Variants in HEPHL1 observed in about 807,000 individuals in gnomAD.
HEPHL1 encodes hephaestin like 1, also known as ferroxidase HEPHL1.
Under a neutral mutation model 122.0 loss-of-function variants are expected in HEPHL1, and 123 were observed. The ratio of observed to expected loss-of-function variants is 1.01; its 90% CI spans 0.87 to 1.17. HEPHL1 has a LOEUF of 1.17. Ranked by LOEUF, HEPHL1 falls within the 50% of genes most tolerant of loss-of-function variation. The pLI, the probability that HEPHL1 is intolerant of heterozygous loss-of-function variation, is 0.00. For synonymous variants in HEPHL1, 527 were observed against 508.9 expected, an observed-to-expected ratio of 1.04 and a Z score of -0.48; for missense variants, 1,452 against 1,430.5, an observed-to-expected ratio of 1.01 and a Z score of -0.24.
chr11:94,075,275 C>T lies in HEPHL1; in HGVS notation c.1606C>T (p.Leu536=), dbSNP rs1946111462. The T allele has an allele frequency of 1.2e-6, 2 of 1,613,536 alleles. No homozygotes were observed. Among genetic ancestry groups the T allele is most frequent in the African/African-American group, 2.7e-5 (2 of 75,022 alleles). Residue 536 remains leucine, a synonymous_variant, in exon 9 of 20, where the codon CTG becomes TTG. Coordinates refer to ENST00000315765, the MANE Select transcript of HEPHL1 (RefSeq NM_001098672.2). ...VSPTAGDPPC[L]TYLYFSAVDP... ...CCCAACTGCTGGTGATCCTCCCTGT[C>T]TGACCTATCTTTACTTCTCAGCAGT...
intron 1 of HEPHL1, among the ~76,000 whole-genome samples, chr11:94,029,511 G>A (rs565976683): frequency 6.6e-6 from 1 of 152,292 alleles, no homozygotes; most frequent in East Asian, 1.9e-4. Context: ...GGAATCATTT[G>A]GTGATCTTAG....
intron 17 of HEPHL1, among the ~76,000 whole-genome samples, chr11:94,107,273 GATTA>G (rs1048640088): frequency 5.3e-5 from 8 of 152,160 alleles, no homozygotes; most frequent in Non-Finnish European, 8.8e-5. Flanking sequence ...AGCCTGCTAT[GATTA>G]GAGTTTCACA....
At position 94,075,223 on chromosome 11, in the gene HEPHL1, C is replaced by G. The variant is rs774165928; in HGVS notation, c.1554C>G (p.Tyr518Ter). 6.2e-7 allele frequency: 1 copy of G among 1,613,412 alleles called. No individual in the cohort carries two copies. The highest frequency in any genetic ancestry group is 2.2e-5 in the East Asian group (1 of 44,864). Residue 518 changes from tyrosine to a stop codon, truncating the protein, a stop_gained, in exon 9 of 20, where the codon TAC becomes TAG. Transcript: ENST00000315765. LOFTEE classifies it high-confidence loss of function. ...TTAAACCAGGTGAAACCTTCACATA[C>G]AAGTGGACAGTGCCTGAGAGCGTAA... ...AHVKPGETFT[Y>*]KWTVPESVSP...
intron 1 of HEPHL1, among the ~76,000 whole-genome samples, chr11:94,025,836 A>T (rs901441622): frequency 1.3e-5 from 2 of 152,226 alleles, no homozygotes; most frequent in Non-Finnish European, 2.9e-5. Context: ...AACAAATGGT[A>T]ACTTTCAAAT....
intron 1 of HEPHL1, among the ~76,000 whole-genome samples, chr11:94,030,688 G>A (rs1385618475): frequency 2.6e-5 from 4 of 152,318 alleles, no homozygotes; most frequent in South Asian, 2.1e-4. Context: ...ATTCCAAGTT[G>A]CAAGCAAGTC....
intron 2 of HEPHL1, among the ~76,000 whole-genome samples, chr11:94,057,527 T>C (rs1945948495): frequency 6.6e-6 from 1 of 152,174 alleles, no homozygotes; most frequent in African/African-American, 2.4e-5. Flanking sequence ...TACTTTCTTT[T>C]GCTTTCTTGA....
At chr11:94,111,665 G>T (rs369628859) in intron 19 of HEPHL1, 27 bp from the exon 20 acceptor site, 22 of 1,608,822 alleles carry the variant, frequency 1.4e-5, no homozygotes, top group East Asian at 1.3e-4. Context: ...AAATGTCAGG[G>T]GCCTGACAAG....
chr11:94,108,279 A>G (rs1024588681), intron 17 of HEPHL1, among the ~76,000 whole-genome samples: 4 of 152,076 alleles, frequency 2.6e-5, no homozygotes, highest in Non-Finnish European at 5.9e-5. Flanking sequence ...GTAGAGTTTG[A>G]GGGCTTTATA....
At chr11:94,067,101 G>A (rs970629609) in intron 4 of HEPHL1, among the ~76,000 whole-genome samples, 5 of 152,222 alleles carry the variant, frequency 3.3e-5, no homozygotes, top group Non-Finnish European at 7.4e-5. Flanking sequence ...AACAAGACAG[G>A]GTTTCTAGTT....
At chr11:94,037,121 A>C (rs1945732683) in intron 1 of HEPHL1, among the ~76,000 whole-genome samples, 1 of 152,154 alleles carries the variant, frequency 6.6e-6, no homozygotes, top group South Asian at 2.1e-4. Flanking sequence ...CGCACCTGGA[A>C]AATCGGGTCA....
At chr11:94,108,211 G>A (rs761464102) in intron 17 of HEPHL1, among the ~76,000 whole-genome samples, 10 of 151,934 alleles carry the variant, frequency 6.6e-5, no homozygotes, top group Non-Finnish European at 1.3e-4. Context: ...GTAAATCTTT[G>A]GTGAAGTGTC....
intron 10 of HEPHL1, 114 bp downstream of exon 10, chr11:94,082,682 C>T (rs1946181464): frequency 2.1e-6 from 2 of 946,912 alleles, no homozygotes; most frequent in African/African-American, 1.7e-5. Context: ...TGTTCTTGGT[C>T]ATGAGTAAGT....
At chr11:94,056,697 CTATCTATCTATA>C (rs1945940301) in intron 2 of HEPHL1, among the ~76,000 whole-genome samples, 3 of 151,852 alleles carry the variant, frequency 2.0e-5, no homozygotes, top group African/African-American at 7.3e-5. Flanking sequence ...ATCTATCTAT[CTATCTATCTATA>C]ATGCCCTTCT....
intron 4 of HEPHL1, 25 bp downstream of exon 4, chr11:94,064,535 C>T (rs769203015): frequency 2.0e-5 from 31 of 1,543,238 alleles, no homozygotes; most frequent in South Asian, 1.0e-4. Flanking sequence ...TGTTCCCAAA[C>T]GTATACCAGG....
chr11:94,078,475 A>ATATATATATATATATATG (rs1252242788), intron 9 of HEPHL1, among the ~76,000 whole-genome samples: 1 of 147,440 alleles, frequency 6.8e-6, no homozygotes, highest in African/African-American at 2.5e-5. Flanking sequence ...ATATATATAT[A>ATATATATATATATATATG]TGGAGAAAGA....
At chr11:94,108,967 T>C (rs1192315712) in intron 17 of HEPHL1, among the ~76,000 whole-genome samples, 5 of 152,132 alleles carry the variant, frequency 3.3e-5, no homozygotes, top group African/African-American at 1.2e-4. Context: ...AGAACTGACA[T>C]AACAATATTG....
Position 94,101,321 on chromosome 11 carries a change from C to T in HEPHL1, c.2561C>T (p.Pro854Leu). 6.2e-7 allele frequency: 1 copy of T among 1,612,618 alleles called. No homozygotes were observed. The highest frequency in any genetic ancestry group is 8.5e-7 in the Non-Finnish European group (1 of 1,179,106). Residue 854 changes from proline to leucine, a missense_variant, in exon 14 of 20, where the codon CCC (proline) becomes CTC (leucine). Transcript: ENST00000315765. ...EMDSGKQFQV[P>L]MTKPGEVKTY... is the part of the protein sequence containing the mutation. ...GATAGTGGAAAGCAATTCCAAGTGCCCATGACAAAACCAGGTAAGTTGTGT... is the reference window on the plus strand; with the variant it reads ...GATAGTGGAAAGCAATTCCAAGTGCTCATGACAAAACCAGGTAAGTTGTGT...
chr11:94,106,111 C>A lies in HEPHL1; in HGVS notation c.3026C>A (p.Ala1009Asp). The change falls in exon 17 of 20, where the codon GCT (alanine) becomes GAT (aspartate). Residue 1009 changes from alanine (A) to aspartate (D), a missense_variant. Coordinates refer to ENST00000315765, the MANE Select transcript of HEPHL1 (RefSeq NM_001098672.2). ...GACATACATACCATCCATTATCATGCTGAGAGCTTTCTTTTCAAAGTAAGT... is the reference window on the plus strand; with the variant it reads ...GACATACATACCATCCATTATCATGATGAGAGCTTTCTTTTCAAAGTAAGT... ...EVDIHTIHYH[A>D]ESFLFKIDKS... 6.4e-7 allele frequency: 1 copy of A among 1,564,292 alleles called. No individual in the cohort carries two copies. Among genetic ancestry groups the A allele is most frequent in the South Asian group, 1.2e-5 (1 of 82,476 alleles).
intron 1 of HEPHL1, among the ~76,000 whole-genome samples, chr11:94,023,898 A>G (rs748458581): frequency 6.6e-6 from 1 of 152,172 alleles, no homozygotes; most frequent in Non-Finnish European, 1.5e-5. Context: ...ACAAGTTCCT[A>G]AAAAGGTAGG....
Sources: gnomAD v4.1 joint callset for allele counts (sites outside exome capture counted in the v4.1 genomes callset) on GRCh38, gnomAD v4.1.1 for gene constraint, MANE v1.5 for transcripts, NCBI Gene and HGNC (gene_info 2026-07-23, HGNC 2026-07-21) for gene names.